The following CSMD1 variants were observed in gnomAD, a reference collection of about 807,000 sequenced individuals.
CSMD1 encodes the protein CUB and Sushi multiple domains 1.
Under a neutral mutation model 417.5 loss-of-function variants are expected in CSMD1, and 213 were observed. That is an observed-to-expected ratio of 0.51 (90% confidence interval 0.46 to 0.57). CSMD1 has a LOEUF of 0.57. CSMD1 is among the 20% of genes least tolerant of loss of function. CSMD1 has a pLI of 0.00. For missense variants in CSMD1, 6,923 were observed against 4,529.7 expected, an observed-to-expected ratio of 1.53 and a Z score of -15.17; for synonymous variants, 2,862 against 1,736.8, an observed-to-expected ratio of 1.65 and a Z score of -16.11.
Position 3,592,311 on chromosome 8 carries a change from C to T in CSMD1, c.1098-6051G>A, listed in dbSNP as rs772997833. The stretch of plus-strand genomic sequence containing the variant: ...TCCACTTCAAACATATACTTCAGTA[C>T]TCATAAATATAAAAGGAATATATAT... On this transcript the variant is annotated intron_variant, in intron 8 of 69. Coordinates refer to ENST00000635120, the MANE Select transcript of CSMD1 (RefSeq NM_033225.6). 3.7e-4 allele frequency among the ~76,000 whole-genome samples: 57 copies of T among 152,062 alleles called. 1 individual carries two copies. Among genetic ancestry groups the T allele is most frequent in the African/African-American group, 1.3e-3 (56 of 41,488 alleles).
At chr8:3,022,524 C>T (rs1267250485) in intron 51 of CSMD1, among the ~76,000 whole-genome samples, 1 of 152,196 alleles carries the variant, frequency 6.6e-6, no homozygotes, top group African/African-American at 2.4e-5. Context: ...ATTATATTCA[C>T]GTTGAAATAT....
chr8:3,477,050 A>C (rs62474174), intron 11 of CSMD1, among the ~76,000 whole-genome samples: 92,860 of 151,746 alleles, frequency 0.61, 29,144 homozygotes, highest in Middle Eastern at 0.74. Flanking sequence ...GTGGTTACAC[A>C]GATCTATACA....
chr8:3,842,104 C>T (rs900336247), intron 5 of CSMD1, among the ~76,000 whole-genome samples: 2 of 152,186 alleles, frequency 1.3e-5, no homozygotes, highest in Non-Finnish European at 2.9e-5. Context: ...ACACACATGC[C>T]TTCATTCTGC....
chr8:3,912,917 G>A (rs1479623196), intron 5 of CSMD1, among the ~76,000 whole-genome samples: 2 of 152,182 alleles, frequency 1.3e-5, no homozygotes, highest in Non-Finnish European at 2.9e-5. Context: ...AGCTATGGTG[G>A]TCATTCAGGT....
At chr8:3,488,613 G>C (rs1036874583) in intron 11 of CSMD1, among the ~76,000 whole-genome samples, 3 of 152,148 alleles carry the variant, frequency 2.0e-5, no homozygotes, top group Non-Finnish European at 4.4e-5. Context: ...TAGGACAATG[G>C]CTTATTCTCT....
intron 6 of CSMD1, among the ~76,000 whole-genome samples, chr8:3,727,227 G>A (rs185737545): frequency 6.6e-6 from 1 of 152,166 alleles, no homozygotes; most frequent in Non-Finnish European, 1.5e-5. Flanking sequence ...AGTTGCGTTT[G>A]ACAATTATCA....
In CSMD1 at chr8:4,348,984, G is replaced by T. The variant is rs927880428; in HGVS notation, c.415+70969C>A. Among the ~76,000 whole-genome samples, 7 of 152,108 alleles carry T rather than the reference G, an allele frequency of 4.6e-5. No homozygotes were observed. In the East Asian group the frequency reaches 7.7e-4, roughly 17 times the overall value. ...TTGAATTGCACCATATGCAAAAACAGGACAAACTGAAAAATTGAAAATCCA... is the reference window on the plus strand; with the variant it reads ...TTGAATTGCACCATATGCAAAAACATGACAAACTGAAAAATTGAAAATCCA... On this transcript the variant is annotated intron_variant, in intron 3 of 69. Transcript: ENST00000635120.
At chr8:4,257,368 G>A (rs893223721) in intron 3 of CSMD1, among the ~76,000 whole-genome samples, 1 of 151,882 alleles carries the variant, frequency 6.6e-6, no homozygotes, top group Non-Finnish European at 1.5e-5. Context: ...TTCTCCTTTA[G>A]AAAATTATAT....
At chr8:3,717,464 A>C (rs938222214) in intron 6 of CSMD1, among the ~76,000 whole-genome samples, 1 of 152,146 alleles carries the variant, frequency 6.6e-6, no homozygotes, top group African/African-American at 2.4e-5. Context: ...AATATTCATG[A>C]AGATATTGTT....
chr8:4,267,694 T>C (rs1384549505), intron 3 of CSMD1, among the ~76,000 whole-genome samples: 1 of 152,096 alleles, frequency 6.6e-6, no homozygotes, highest in Non-Finnish European at 1.5e-5. Flanking sequence ...CCTTAGTGTC[T>C]TACATGACTT....
At chr8:4,187,967 A>G (rs147726391) in intron 3 of CSMD1, among the ~76,000 whole-genome samples, 48 of 152,182 alleles carry the variant, frequency 3.2e-4, no homozygotes, top group East Asian at 2.1e-3. Context: ...TACCATGGGT[A>G]TTTTTAATTC....
chr8:3,566,054 T>G (rs549978387), intron 10 of CSMD1, among the ~76,000 whole-genome samples: 1 of 152,290 alleles, frequency 6.6e-6, no homozygotes, highest in African/African-American at 2.4e-5. Context: ...TACGGGACCC[T>G]GTTTATATCT....
intron 2 of CSMD1, among the ~76,000 whole-genome samples, chr8:4,502,587 G>A (rs1418157224): frequency 2.0e-5 from 3 of 152,032 alleles, no homozygotes; most frequent in East Asian, 3.9e-4. Context: ...TTTAACCATT[G>A]CCACTCCTCA....
chr8:4,247,177 A>G (rs750452687), intron 3 of CSMD1, among the ~76,000 whole-genome samples: 19 of 152,228 alleles, frequency 1.2e-4, no homozygotes, highest in East Asian at 1.9e-4. Context: ...TTTATGCTCT[A>G]TAACACAGTT....
At chr8:3,285,887 G>T (rs1389538424) in intron 25 of CSMD1, among the ~76,000 whole-genome samples, 1 of 151,786 alleles carries the variant, frequency 6.6e-6, no homozygotes, top group East Asian at 1.9e-4. Context: ...CAACGTGCAG[G>T]TTTGTTACAT....
At chr8:4,209,420 G>A (rs765512503) in intron 3 of CSMD1, among the ~76,000 whole-genome samples, 1 of 152,162 alleles carries the variant, frequency 6.6e-6, no homozygotes, top group Non-Finnish European at 1.5e-5. Flanking sequence ...GGAATTGTAT[G>A]AGGTGTGAAC....
chr8:4,056,007 T>C (rs971366102), intron 3 of CSMD1, among the ~76,000 whole-genome samples: 2 of 151,932 alleles, frequency 1.3e-5, no homozygotes, highest in Non-Finnish European at 2.9e-5. Context: ...TGGAAAATTG[T>C]AGTCTACACA....
chr8:3,944,585 T>C (rs1228538394), intron 5 of CSMD1, among the ~76,000 whole-genome samples: 5 of 152,160 alleles, frequency 3.3e-5, no homozygotes, highest in Admixed American at 2.6e-4. Flanking sequence ...AAAATACTTA[T>C]CATGCAAATT....
chr8:3,155,554 A>T (rs1819475115), intron 39 of CSMD1, among the ~76,000 whole-genome samples: 1 of 151,154 alleles, frequency 6.6e-6, no homozygotes, highest in Non-Finnish European at 1.5e-5. Context: ...TTTTTAGTAG[A>T]GACGGGATTT....
Sources: gnomAD v4.1 joint callset for allele counts (sites outside exome capture counted in the v4.1 genomes callset) on GRCh38, gnomAD v4.1.1 for gene constraint, MANE v1.5 for transcripts, NCBI Gene and HGNC (gene_info 2026-07-23, HGNC 2026-07-21) for gene names.